Variants in NXN observed in about 807,000 individuals in gnomAD.
NXN encodes the protein nucleoredoxin 1.
A neutral mutation model predicts 48.6 loss-of-function variants in NXN; 16 were observed. The observed-to-expected ratio is 0.33, with a 90% confidence interval of 0.22 to 0.50. NXN has a LOEUF of 0.50. NXN is among the 20% of genes least tolerant of loss of function. The probability of loss-of-function intolerance (pLI) is 0.98; values close to 1 mark genes in which losing one functional copy is unlikely to be tolerated. For missense variants in NXN, 492 were observed against 605.5 expected (o/e 0.81, Z 1.97); for synonymous variants, 281 against 269.6 (o/e 1.04, Z -0.41).
chr17:950,252 G>A (rs535171338), intron 1 of NXN, among the ~76,000 whole-genome samples: 1 of 152,226 alleles, frequency 6.6e-6, no homozygotes, highest in East Asian at 1.9e-4. Flanking sequence ...CCTCCAGGCA[G>A]GAAAGAATCA....
intron 1 of NXN, among the ~76,000 whole-genome samples, chr17:948,465 T>C (rs893320793): frequency 2.0e-4 from 30 of 152,094 alleles, no homozygotes; most frequent in African/African-American, 5.8e-4. Flanking sequence ...ATCTGGGTAC[T>C]GAGGGGTAGG....
chr17:863,738 C>T, intron 1 of NXN: 1 of 567,794 alleles, frequency 1.8e-6, no homozygotes, highest in East Asian at 3.1e-5. Flanking sequence ...GGTGGGATTA[C>T]AGGTGTGAGC....
In NXN at chr17:969,143, G is replaced by A. The variant is rs150740668; in HGVS notation, c.360+10176C>T. On this transcript the variant is annotated intron_variant, in intron 1 of 7. Transcript: ENST00000336868. ...TAAAATGTGGAATGAATACCGAAGC[G>A]CCTGGTAAACATTTAAACGGCACGT... Among the ~76,000 whole-genome samples, 1,024 of 152,222 alleles carry A rather than the reference G, an allele frequency of 6.7e-3. 10 individuals carry two copies. Among genetic ancestry groups the A allele is most frequent in the Middle Eastern group, 0.027 (8 of 294 alleles).
chr17:961,381 T>A (rs1287891917), intron 1 of NXN, among the ~76,000 whole-genome samples: 1 of 145,484 alleles, frequency 6.9e-6, no homozygotes, highest in Non-Finnish European at 1.5e-5. Flanking sequence ...TGAGACTCCG[T>A]CTCAAGAAAA....
Position 847,243 on chromosome 17 carries a change from C to T in NXN, c.361-21165G>A, listed in dbSNP as rs2067873861. Among the ~76,000 whole-genome samples the T allele has an allele frequency of 3.3e-5, 5 of 151,296 alleles. No homozygotes were observed. In the South Asian group the frequency reaches 1.0e-3, roughly 32 times the overall value. On this transcript the variant is annotated intron_variant, in intron 1 of 7. Coordinates refer to ENST00000336868, the MANE Select transcript of NXN (RefSeq NM_022463.5). ...CAAGGGCTTTTTTTTTTTCCCTTCT[C>T]GGCTGCGTGGAAAGCTCTGTTTCTT...
At chr17:873,682 A>G (rs1012729172) in intron 1 of NXN, among the ~76,000 whole-genome samples, 1 of 152,104 alleles carries the variant, frequency 6.6e-6, no homozygotes, top group Non-Finnish European at 1.5e-5. Context: ...AGCTTTGTGC[A>G]TATAAATAAT....
chr17:933,059 C>T (rs1312159987), intron 1 of NXN, among the ~76,000 whole-genome samples: 1 of 152,088 alleles, frequency 6.6e-6, no homozygotes, highest in Non-Finnish European at 1.5e-5. Flanking sequence ...CGAAAAAGTC[C>T]CGAGAGGTTC....
At chr17:921,317 C>T (rs1178182773) in intron 1 of NXN, among the ~76,000 whole-genome samples, 1 of 152,120 alleles carries the variant, frequency 6.6e-6, no homozygotes, top group Non-Finnish European at 1.5e-5. Context: ...CAGCCTCCTC[C>T]TACCCCGGCT....
intron 1 of NXN, among the ~76,000 whole-genome samples, chr17:833,052 A>G (rs923256015): frequency 3.3e-5 from 5 of 151,840 alleles, no homozygotes; most frequent in African/African-American, 7.3e-5. Context: ...CACCACGCCC[A>G]GCTAATTTTT....
Position 969,672 on chromosome 17 carries a change from T to C in NXN, c.360+9647A>G, listed in dbSNP as rs117060155. On this transcript the variant is annotated intron_variant, in intron 1 of 7. Coordinates refer to ENST00000336868, the MANE Select transcript of NXN (RefSeq NM_022463.5). Reference sequence around the variant, plus strand: ...CACCACGATCAAAAGAAAACCGTCTTGACCTGATCACGTTTAACGGGAGGA... The same window carrying C: ...CACCACGATCAAAAGAAAACCGTCTCGACCTGATCACGTTTAACGGGAGGA... Among the ~76,000 whole-genome samples the C allele has an allele frequency of 3.0e-3, 462 of 152,294 alleles. 2 individuals carry two copies. Among genetic ancestry groups the C allele is most frequent in the East Asian group, 0.03 (153 of 5,182 alleles).
At chr17:951,462 T>C (rs1026264085) in intron 1 of NXN, among the ~76,000 whole-genome samples, 2 of 152,042 alleles carry the variant, frequency 1.3e-5, no homozygotes. Flanking sequence ...TTCTGCAGCC[T>C]GATCTCTCTG....
Position 958,311 on chromosome 17 carries a change from C to T in NXN, c.360+21008G>A, listed in dbSNP as rs889469005. ...GTTACTCATCTTCCGAAAATGCTAA[C>T]GTGCTGACTGGGGCTAACCCTACGC... is the stretch of plus-strand genomic sequence containing the variant. On this transcript the variant is annotated intron_variant, in intron 1 of 7. Coordinates refer to ENST00000336868, the MANE Select transcript of NXN (RefSeq NM_022463.5). The surrounding 1 kb of genome is among the most constrained non-coding windows in gnomAD (Gnocchi z 6.9). Among the ~76,000 whole-genome samples the T allele has an allele frequency of 7.2e-5, 11 of 152,140 alleles. No individual in the cohort carries two copies. The East Asian group carries it at 1.3e-3, about 19-fold the overall frequency.
rs566445050 is a variant in NXN at position 902,568 on chromosome 17, G to A, written c.361-76490C>T. Among the ~76,000 whole-genome samples the A allele has an allele frequency of 2.0e-4, 31 of 152,230 alleles. No individual in the cohort carries two copies. The South Asian group carries it at 5.8e-3, about 29-fold the overall frequency. On this transcript the variant is annotated intron_variant, in intron 1 of 7. Transcript: ENST00000336868. ...TTTTTAAAGGCAACTGTCACTCAGT[G>A]GCAATGCCACTGGCTTTCTAGGACT...
chr17:892,819 C>T (rs2068437769), intron 1 of NXN, among the ~76,000 whole-genome samples: 1 of 152,208 alleles, frequency 6.6e-6, no homozygotes, highest in Admixed American at 6.6e-5. Context: ...ATTCATTATG[C>T]ATTCGTCAGA....
chr17:883,118 A>G (rs1407280469), intron 1 of NXN, among the ~76,000 whole-genome samples: 1 of 152,128 alleles, frequency 6.6e-6, no homozygotes, highest in East Asian at 1.9e-4. Context: ...TACTTGGGGA[A>G]GGCTACACCT....
chr17:801,988 G>A (rs1911239051), intron 7 of NXN, among the ~76,000 whole-genome samples: 1 of 152,216 alleles, frequency 6.6e-6, no homozygotes, highest in East Asian at 1.9e-4. Flanking sequence ...CTACTTATCT[G>A]AGAAAGAAGC....
intron 1 of NXN, among the ~76,000 whole-genome samples, chr17:854,826 G>A (rs551229050): frequency 2.0e-5 from 3 of 151,868 alleles, no homozygotes; most frequent in Non-Finnish European, 2.9e-5. Flanking sequence ...GGATGTGGCC[G>A]CAGGCACCTG....
rs1312563472 is a variant in NXN, at chr17:819,467, C to T, written c.792G>A (p.Ser264=). 6.8e-6 allele frequency: 11 copies of T among 1,613,970 alleles called. No homozygotes were observed. The highest frequency in any genetic ancestry group is 1.6e-4 in the Middle Eastern group (1 of 6,082). The change falls in exon 5 of 8, where the codon TCG becomes TCA. Residue 264 remains serine (S), a synonymous_variant. Coordinates refer to ENST00000336868, the MANE Select transcript of NXN (RefSeq NM_022463.5). ...GGATTCCGTACAGCCGGTTGAGGCG[C>T]GACCGCCGGGCCTCATCCGTGTAGG... The part of the protein sequence containing the change: ...AVPYTDEARR[S]RLNRLYGIQG...
chr17:885,582 T>A (rs1207606413), intron 1 of NXN, among the ~76,000 whole-genome samples: 1 of 150,778 alleles, frequency 6.6e-6, no homozygotes, highest in Non-Finnish European at 1.5e-5. Flanking sequence ...CCAGGAATCA[T>A]CTCTGGAAGT....
Sources: gnomAD v4.1 joint callset for allele counts (sites outside exome capture counted in the v4.1 genomes callset) on GRCh38, gnomAD v4.1.1 for gene constraint, Gnocchi (gnomAD v3.1) non-coding constraint, MANE v1.5 for transcripts, NCBI Gene and HGNC (gene_info 2026-07-23, HGNC 2026-07-21) for gene names.